ZMAT4: variants seen among roughly 807,000 people sequenced by gnomAD.
ZMAT4 encodes zinc finger matrin-type protein 4.
Under a neutral mutation model 28.7 loss-of-function variants are expected in ZMAT4, and 17 were observed. That is an observed-to-expected ratio of 0.59 (90% CI 0.41 to 0.89). ZMAT4 has a LOEUF of 0.89. ZMAT4 is among the 40% of genes least tolerant of loss of function. The pLI, the probability that ZMAT4 is intolerant of heterozygous loss-of-function variation, is 0.00. For missense variants in ZMAT4, 240 were observed against 283.8 expected (o/e 0.85, Z 1.11); for synonymous variants, 117 against 109.2 (o/e 1.07, Z -0.44).
chr8:40,760,470 G>A lies in ZMAT4; in HGVS notation c.192+7171C>T, dbSNP rs186204452. Among the ~76,000 whole-genome samples, 10 of 152,196 alleles carry A rather than the reference G, an allele frequency of 6.6e-5. No homozygotes were observed. In the East Asian group the frequency reaches 1.2e-3, roughly 18 times the overall value. ...ATACCCCAGGCTCTAGCCCTGCTTC[G>A]CAGCACCCTCACCAGAACCAGATTG... On this transcript the variant is annotated intron_variant, in intron 3 of 6. Coordinates refer to ENST00000297737, the MANE Select transcript of ZMAT4 (RefSeq NM_024645.3).
chr8:40,539,870 G>A (rs1265459366), intron 6 of ZMAT4, among the ~76,000 whole-genome samples: 3 of 152,234 alleles, frequency 2.0e-5, no homozygotes, highest in Non-Finnish European at 4.4e-5. Flanking sequence ...TTATGCTAAT[G>A]AGGTGACTCA....
intron 5 of ZMAT4, among the ~76,000 whole-genome samples, chr8:40,663,108 T>G (rs2118861821): frequency 6.6e-6 from 1 of 152,328 alleles, no homozygotes; most frequent in East Asian, 1.9e-4. Context: ...ATTTACAATT[T>G]GGTTCCAATC....
chr8:40,806,844 T>C (rs898006390), intron 2 of ZMAT4, among the ~76,000 whole-genome samples: 4 of 152,004 alleles, frequency 2.6e-5, no homozygotes, highest in Admixed American at 2.6e-4. Context: ...TATGGTACAT[T>C]TACACAGTGT....
At chr8:40,825,973 T>A (rs1816023362) in intron 1 of ZMAT4, among the ~76,000 whole-genome samples, 1 of 152,168 alleles carries the variant, frequency 6.6e-6, no homozygotes, top group Non-Finnish European at 1.5e-5. Context: ...AGAGTTTATG[T>A]GAGGGCAGGG....
intron 3 of ZMAT4, among the ~76,000 whole-genome samples, chr8:40,726,552 G>A (rs754928918): frequency 1.1e-4 from 16 of 152,194 alleles, no homozygotes; most frequent in Admixed American, 1.3e-4. Flanking sequence ...TAGCTGTTCC[G>A]TGTCCCCATC....
At chr8:40,593,406 G>A (rs967559659) in intron 5 of ZMAT4, among the ~76,000 whole-genome samples, 2 of 152,168 alleles carry the variant, frequency 1.3e-5, no homozygotes, top group Non-Finnish European at 2.9e-5. Context: ...CTAGAGGCAC[G>A]CTTCTTCCCT....
chr8:40,533,763 T>TA (rs1051079227), intron 6 of ZMAT4, among the ~76,000 whole-genome samples: 2 of 152,256 alleles, frequency 1.3e-5, no homozygotes, highest in African/African-American at 4.8e-5. Flanking sequence ...ATGACCCTGG[T>TA]AGCTATAGCC....
At chr8:40,873,042 G>A (rs1044102309) in intron 1 of ZMAT4, among the ~76,000 whole-genome samples, 1 of 151,826 alleles carries the variant, frequency 6.6e-6, no homozygotes, top group African/African-American at 2.4e-5. Flanking sequence ...GCCCCAAGAG[G>A]TTAAAAAAAA....
At chr8:40,595,720 A>T (rs1306535320) in intron 5 of ZMAT4, among the ~76,000 whole-genome samples, 1 of 152,216 alleles carries the variant, frequency 6.6e-6, no homozygotes, top group Non-Finnish European at 1.5e-5. Flanking sequence ...AATGGAGCTT[A>T]CAAGACTGGA....
At chr8:40,659,173 G>A (rs747650557) in intron 5 of ZMAT4, among the ~76,000 whole-genome samples, 42 of 152,156 alleles carry the variant, frequency 2.8e-4, no homozygotes, top group South Asian at 6.2e-4. Context: ...GACCACTGAC[G>A]ACTCCACTAA....
chr8:40,767,563 C>T (rs758681524), intron 3 of ZMAT4, 78 bp downstream of exon 3: 17 of 1,231,182 alleles, frequency 1.4e-5, no homozygotes, highest in Non-Finnish European at 1.9e-5. Flanking sequence ...CTGGACTAGA[C>T]TACAATTCCT....
intron 6 of ZMAT4, among the ~76,000 whole-genome samples, chr8:40,575,701 G>A (rs145955997): frequency 2.9e-4 from 43 of 146,706 alleles, no homozygotes; most frequent in East Asian, 1.5e-3. Context: ...AATTGGAAGA[G>A]GTGACTATTC....
intron 1 of ZMAT4, among the ~76,000 whole-genome samples, chr8:40,870,558 T>A (rs1817821725): frequency 6.6e-6 from 1 of 152,194 alleles, no homozygotes; most frequent in African/African-American, 2.4e-5. Flanking sequence ...TAGAAGTGAA[T>A]TATTTATTCC....
At chr8:40,687,366 G>A (rs1020827237) in intron 4 of ZMAT4, among the ~76,000 whole-genome samples, 4 of 152,104 alleles carry the variant, frequency 2.6e-5, no homozygotes, top group Non-Finnish European at 2.9e-5. Flanking sequence ...TGACTGTCCC[G>A]GGGAGGGCGG....
intron 3 of ZMAT4, among the ~76,000 whole-genome samples, chr8:40,716,170 C>G (rs1810846055): frequency 6.6e-6 from 1 of 152,176 alleles, no homozygotes; most frequent in Admixed American, 6.5e-5. Flanking sequence ...TCATGATACG[C>G]AGAAAAGAAA....
chr8:40,889,583 C>G (rs957486567), intron 1 of ZMAT4, among the ~76,000 whole-genome samples: 1 of 152,188 alleles, frequency 6.6e-6, no homozygotes, highest in Non-Finnish European at 1.5e-5. Flanking sequence ...ATATTCTGCT[C>G]TAGTTCTCAG....
At chr8:40,759,667 A>G (rs1812847001) in intron 3 of ZMAT4, among the ~76,000 whole-genome samples, 1 of 152,154 alleles carries the variant, frequency 6.6e-6, no homozygotes, top group Non-Finnish European at 1.5e-5. Flanking sequence ...AGCACAGGCC[A>G]ACTAAAACAA....
At chr8:40,896,689 G>C (rs79868815) in intron 1 of ZMAT4, among the ~76,000 whole-genome samples, 4,606 of 152,254 alleles carry the variant, frequency 0.03, 202 homozygotes, top group African/African-American at 0.093. Context: ...GATTTAGAAT[G>C]CTCAAGGGTG....
At chr8:40,728,680 G>T (rs1329923572) in intron 3 of ZMAT4, among the ~76,000 whole-genome samples, 2 of 152,182 alleles carry the variant, frequency 1.3e-5, no homozygotes, top group Non-Finnish European at 2.9e-5. Flanking sequence ...AGGCACATCT[G>T]GTTTCATTAA....
Sources: allele counts gnomAD v4.1 joint callset (sites outside exome capture counted in the v4.1 genomes callset), GRCh38; gene constraint gnomAD v4.1.1; transcripts MANE v1.5; gene names NCBI Gene and HGNC (gene_info 2026-07-23, HGNC 2026-07-21).